ABTB3: variants seen among roughly 807,000 people sequenced by gnomAD.
ABTB3 encodes ankyrin repeat- and BTB/POZ domain-containing protein 3.
At chr12:107,585,420 A>T in the ABTB3 span, among the ~76,000 whole-genome samples, 2 of 152,200 alleles carry the variant, frequency 1.3e-5, no homozygotes, top group African/African-American at 4.8e-5. Context: ...TCTATTGAGC[A>T]CCAACTAAGT....
chr12:107,434,817 T>C, the ABTB3 span, among the ~76,000 whole-genome samples: 1 of 151,882 alleles, frequency 6.6e-6, no homozygotes, highest in African/African-American at 2.4e-5. Flanking sequence ...TGAGCCAAGA[T>C]TGCACCACTG....
chr12:107,504,413 G>C, the ABTB3 span, among the ~76,000 whole-genome samples: 1 of 152,132 alleles, frequency 6.6e-6, no homozygotes, highest in Non-Finnish European at 1.5e-5. Flanking sequence ...CTCTGTCATT[G>C]CGTGTGGTCA....
the ABTB3 span, among the ~76,000 whole-genome samples, chr12:107,431,144 G>A: frequency 2.0e-5 from 3 of 152,220 alleles, no homozygotes; most frequent in Non-Finnish European, 2.9e-5. Flanking sequence ...ACCCAGGTGG[G>A]GGTTATGATT....
the ABTB3 span, among the ~76,000 whole-genome samples, chr12:107,638,479 A>C: frequency 6.6e-6 from 1 of 152,094 alleles, no homozygotes; most frequent in Non-Finnish European, 1.5e-5. Context: ...CAGCCATAGG[A>C]AGCAGTGGGG....
chr12:107,478,922 G>A, the ABTB3 span, among the ~76,000 whole-genome samples: 3 of 152,092 alleles, frequency 2.0e-5, no homozygotes, highest in Non-Finnish European at 2.9e-5. Flanking sequence ...TGATCTGCCC[G>A]AACCTTCAGA....
the ABTB3 span, among the ~76,000 whole-genome samples, chr12:107,552,539 T>C: frequency 2.6e-5 from 4 of 152,346 alleles, no homozygotes; most frequent in East Asian, 7.7e-4. Flanking sequence ...TTTTGTTGAT[T>C]TGTGCCATTG....
At chr12:107,320,522 G>A in the ABTB3 span, 1 of 379,126 alleles carries the variant, frequency 2.6e-6, no homozygotes, top group Non-Finnish European at 5.0e-6. Context: ...CCGCAATCCA[G>A]TGCTCCCACT....
At chr12:107,441,540 G>A in the ABTB3 span, among the ~76,000 whole-genome samples, 1 of 151,968 alleles carries the variant, frequency 6.6e-6, no homozygotes, top group Admixed American at 6.6e-5. Context: ...TGGGTTGATA[G>A]GTGTAGCAAA....
the ABTB3 span, among the ~76,000 whole-genome samples, chr12:107,529,929 A>C: frequency 2.0e-5 from 3 of 152,196 alleles, no homozygotes; most frequent in Non-Finnish European, 4.4e-5. Context: ...ACAGAATTAA[A>C]CATGTAATGT....
At chr12:107,616,038 C>T in the ABTB3 span, among the ~76,000 whole-genome samples, 1 of 152,106 alleles carries the variant, frequency 6.6e-6, no homozygotes. Context: ...ATCCTTAGAA[C>T]AGATCCCAAG....
chr12:107,640,242 C>A, the ABTB3 span: 1 of 929,896 alleles, frequency 1.1e-6, no homozygotes, highest in Non-Finnish European at 1.6e-6. Context: ...TTTGCACTTT[C>A]TACAAGATAA....
chr12:107,383,359 G>A, the ABTB3 span, among the ~76,000 whole-genome samples: 119 of 152,322 alleles, frequency 7.8e-4, 1 homozygote, highest in East Asian at 8.5e-3. Flanking sequence ...GCAGCCTGGT[G>A]TAGAGGTGAA....
At chr12:107,440,423 G>A in the ABTB3 span, among the ~76,000 whole-genome samples, 6 of 152,140 alleles carry the variant, frequency 3.9e-5, no homozygotes, top group African/African-American at 7.2e-5. Context: ...GACCCTTCTC[G>A]TCCTTCCTGC....
At chr12:107,518,934 TAAC>T in the ABTB3 span, among the ~76,000 whole-genome samples, 4 of 152,190 alleles carry the variant, frequency 2.6e-5, no homozygotes, top group Admixed American at 2.6e-4. Flanking sequence ...GCTATGTGTG[TAAC>T]AACGTGTCTC....
At chr12:107,426,970 C>G in the ABTB3 span, among the ~76,000 whole-genome samples, 1 of 152,218 alleles carries the variant, frequency 6.6e-6, no homozygotes, top group Non-Finnish European at 1.5e-5. Flanking sequence ...TTTCACCCCC[C>G]ACTGCCCCAA....
At chr12:107,594,021 G>A in the ABTB3 span, among the ~76,000 whole-genome samples, 5 of 152,172 alleles carry the variant, frequency 3.3e-5, no homozygotes, top group African/African-American at 1.2e-4. Flanking sequence ...AAGACCTGCA[G>A]CAACACATAA....
At chr12:107,604,686 C>G in the ABTB3 span, among the ~76,000 whole-genome samples, 1 of 151,998 alleles carries the variant, frequency 6.6e-6, no homozygotes, top group South Asian at 2.1e-4. Context: ...TTATTACAGC[C>G]ATTATGGAAA....
the ABTB3 span, among the ~76,000 whole-genome samples, chr12:107,573,724 G>A: frequency 6.6e-6 from 1 of 152,192 alleles, no homozygotes; most frequent in Non-Finnish European, 1.5e-5. Context: ...GAAGAGTTGA[G>A]GTTGCAGCTC....
chr12:107,511,654 C>T, the ABTB3 span, among the ~76,000 whole-genome samples: 1 of 152,166 alleles, frequency 6.6e-6, no homozygotes, highest in Non-Finnish European at 1.5e-5. Flanking sequence ...ATTCCCATCA[C>T]ATTCTGGTGG....
Sources: gnomAD v4.1 joint callset for allele counts (sites outside exome capture counted in the v4.1 genomes callset) on GRCh38, gnomAD v4.1.1 for gene constraint, MANE v1.5 for transcripts, NCBI Gene and HGNC (gene_info 2026-07-23, HGNC 2026-07-21) for gene names.